MACROD2: variants seen among roughly 807,000 people sequenced by gnomAD.
MACROD2 encodes the protein mono-ADP ribosylhydrolase 2, also known as ADP-ribose glycohydrolase MACROD2.
MACROD2 carries 36 observed loss-of-function variants against 70.4 expected under a neutral mutation model. The ratio of observed to expected loss-of-function variants is 0.51; its 90% CI spans 0.39 to 0.68. MACROD2 has a LOEUF of 0.68. MACROD2 is among the 30% of genes least tolerant of loss of function. The pLI is 0.00. For synonymous variants in MACROD2, 172 were observed against 178.8 expected, an observed-to-expected ratio of 0.96 and a Z score of 0.30; for missense variants, 496 against 538.4, an observed-to-expected ratio of 0.92 and a Z score of 0.78.
chr20:14,611,056 T>C (rs1983126927), intron 4 of MACROD2, among the ~76,000 whole-genome samples: 1 of 152,148 alleles, frequency 6.6e-6, no homozygotes, highest in South Asian at 2.1e-4. Flanking sequence ...TTTACATTCT[T>C]GGAATACTTG....
intron 3 of MACROD2, among the ~76,000 whole-genome samples, chr20:14,192,258 T>C (rs1054775109): frequency 2.0e-5 from 3 of 152,170 alleles, no homozygotes; most frequent in African/African-American, 7.2e-5. Flanking sequence ...CCTAAACATT[T>C]CTTGAGGATA....
intron 4 of MACROD2, among the ~76,000 whole-genome samples, chr20:14,557,117 A>G (rs1600382270): frequency 6.6e-6 from 1 of 152,028 alleles, no homozygotes; most frequent in Admixed American, 6.6e-5. Flanking sequence ...AGACAATTCA[A>G]TGGGAGAAAG....
chr20:14,638,310 C>A (rs117998471), intron 4 of MACROD2, among the ~76,000 whole-genome samples: 3 of 152,220 alleles, frequency 2.0e-5, no homozygotes, highest in Non-Finnish European at 2.9e-5. Context: ...TTCAGAATTT[C>A]TCTCAGTTAT....
chr20:14,464,262 G>C (rs2084410633), intron 3 of MACROD2, among the ~76,000 whole-genome samples: 1 of 152,100 alleles, frequency 6.6e-6, no homozygotes, highest in African/African-American at 2.4e-5. Context: ...TTTAGTCTTG[G>C]GAGGGTGTAT....
chr20:14,519,050 CA>C (rs1474985173), intron 4 of MACROD2, among the ~76,000 whole-genome samples: 2 of 152,068 alleles, frequency 1.3e-5, no homozygotes, highest in African/African-American at 2.4e-5. Context: ...GAAAACAATA[CA>C]AAAGATAATT....
chr20:14,268,934 A>C (rs2082167316), intron 3 of MACROD2, among the ~76,000 whole-genome samples: 1 of 152,218 alleles, frequency 6.6e-6, no homozygotes, highest in Non-Finnish European at 1.5e-5. Flanking sequence ...CATGGTTGAA[A>C]TACCAAAGCT....
At chr20:14,509,342 GA>G (rs2085003965) in intron 4 of MACROD2, among the ~76,000 whole-genome samples, 1 of 152,004 alleles carries the variant, frequency 6.6e-6, no homozygotes, top group Non-Finnish European at 1.5e-5. Context: ...AGGACATGGA[GA>G]AAATTGTAAT....
At chr20:16,022,003 T>C (rs1266493290) in intron 15 of MACROD2, among the ~76,000 whole-genome samples, 1 of 151,822 alleles carries the variant, frequency 6.6e-6, no homozygotes, top group East Asian at 1.9e-4. Context: ...TAGCAAAAAG[T>C]AGGTCATTTT....
intron 5 of MACROD2, among the ~76,000 whole-genome samples, chr20:14,821,882 G>C (rs2072849153): frequency 6.6e-6 from 1 of 152,046 alleles, no homozygotes; most frequent in Non-Finnish European, 1.5e-5. Flanking sequence ...CATTTCCAAA[G>C]ACTTCCGTTT....
intron 3 of MACROD2, among the ~76,000 whole-genome samples, chr20:14,343,705 A>G (rs1239676757): frequency 6.6e-6 from 1 of 152,238 alleles, no homozygotes; most frequent in Non-Finnish European, 1.5e-5. Flanking sequence ...TTAATTACAA[A>G]TCAAAGGACA....
chr20:14,689,505 T>A (rs1002297273), intron 5 of MACROD2, among the ~76,000 whole-genome samples: 5 of 152,220 alleles, frequency 3.3e-5, no homozygotes, highest in African/African-American at 1.2e-4. Flanking sequence ...GGATTTTTCC[T>A]TAAACACAGA....
intron 2 of MACROD2, among the ~76,000 whole-genome samples, chr20:14,044,448 G>A (rs1255192945): frequency 1.3e-5 from 2 of 152,168 alleles, no homozygotes; most frequent in Admixed American, 6.5e-5. Context: ...TGGCGTGGCA[G>A]CCTGCTTTTA....
intron 3 of MACROD2, among the ~76,000 whole-genome samples, chr20:14,490,690 G>A (rs766256652): frequency 2.0e-5 from 3 of 151,980 alleles, no homozygotes; most frequent in Non-Finnish European, 4.4e-5. Context: ...TGAAACTCAA[G>A]GATTAATAGG....
chr20:14,969,347 T>C (rs985929226), intron 5 of MACROD2, among the ~76,000 whole-genome samples: 1 of 144,896 alleles, frequency 6.9e-6, no homozygotes, highest in Non-Finnish European at 1.5e-5. Context: ...ATTTAAAAGC[T>C]ATATAAATGC....
intron 8 of MACROD2, among the ~76,000 whole-genome samples, chr20:15,631,369 C>G (rs1456371410): frequency 1.3e-5 from 2 of 152,112 alleles, no homozygotes; most frequent in Non-Finnish European, 2.9e-5. Flanking sequence ...TTAATGATCT[C>G]TTTAATGAAC....
intron 8 of MACROD2, among the ~76,000 whole-genome samples, chr20:15,792,843 G>A (rs1255351621): frequency 1.3e-5 from 2 of 152,106 alleles, no homozygotes; most frequent in African/African-American, 2.4e-5. Flanking sequence ...ATTCACACAT[G>A]TTTTCTAAGA....
intron 3 of MACROD2, among the ~76,000 whole-genome samples, chr20:14,126,897 T>C (rs1462721134): frequency 6.6e-6 from 1 of 152,206 alleles, no homozygotes; most frequent in Non-Finnish European, 1.5e-5. Flanking sequence ...TCCTCAGGGC[T>C]GCTTATTCTT....
chr20:15,878,595 G>C (rs1321681413), intron 9 of MACROD2, among the ~76,000 whole-genome samples: 1 of 152,024 alleles, frequency 6.6e-6, no homozygotes, highest in Admixed American at 6.6e-5. Context: ...AATTATGGTG[G>C]CTCTAGGTAA....
intron 5 of MACROD2, chr20:14,933,697 T>G (rs2074316222): frequency 1.3e-5 from 2 of 152,308 alleles, no homozygotes; most frequent in African/African-American, 4.8e-5. Flanking sequence ...ACTTTTGTTT[T>G]AATGCCATAA....
Sources: gnomAD v4.1 joint callset for allele counts (sites outside exome capture counted in the v4.1 genomes callset) on GRCh38, gnomAD v4.1.1 for gene constraint, MANE v1.5 for transcripts, NCBI Gene and HGNC (gene_info 2026-07-23, HGNC 2026-07-21) for gene names.